NAV2: variants seen among roughly 807,000 people sequenced by gnomAD.
NAV2 encodes neuron navigator 2.
NAV2 carries 54 observed loss-of-function variants against 223.2 expected under a neutral mutation model. That is an observed-to-expected ratio of 0.24 (90% CI 0.19 to 0.30). The LOEUF is 0.30. NAV2 is among the 10% of genes least tolerant of loss of function. The pLI is 1.00. For synonymous variants in NAV2, 1,279 were observed against 1,239.3 expected, an observed-to-expected ratio of 1.03 and a Z score of -0.67; for missense variants, 2,806 against 3,147.5, an observed-to-expected ratio of 0.89 and a Z score of 2.60.
At chr11:19,492,606 C>T (rs943822067) in intron 1 of NAV2, among the ~76,000 whole-genome samples, 4 of 152,102 alleles carry the variant, frequency 2.6e-5, no homozygotes, top group African/African-American at 9.7e-5. Context: ...CAGCTCTGCC[C>T]ACCTCCCAAC....
chr11:19,525,861 A>T (rs2043824920), intron 1 of NAV2, among the ~76,000 whole-genome samples: 1 of 152,028 alleles, frequency 6.6e-6, no homozygotes, highest in Non-Finnish European at 1.5e-5. Flanking sequence ...TATTTATCTG[A>T]TGACCTGCTG....
At chr11:19,509,193 G>A (rs1023225565) in intron 1 of NAV2, among the ~76,000 whole-genome samples, 5 of 152,202 alleles carry the variant, frequency 3.3e-5, no homozygotes, top group Admixed American at 2.0e-4. Context: ...ATGAGTGAGC[G>A]AGGCAACCCT....
chr11:19,581,985 T>C (rs1489873971), intron 1 of NAV2, among the ~76,000 whole-genome samples: 1 of 152,224 alleles, frequency 6.6e-6, no homozygotes, highest in Non-Finnish European at 1.5e-5. Flanking sequence ...CCACCAACAG[T>C]GTAAAATTGT....
At chr11:19,352,557 C>T (rs1226989626) in intron 1 of NAV2, among the ~76,000 whole-genome samples, 1 of 152,160 alleles carries the variant, frequency 6.6e-6, no homozygotes, top group East Asian at 1.9e-4. Flanking sequence ...TCTGCGGCAG[C>T]TGGGGTAACA....
chr11:19,874,328 C>T (rs926687932), intron 4 of NAV2, among the ~76,000 whole-genome samples: 1 of 152,150 alleles, frequency 6.6e-6, no homozygotes, highest in South Asian at 2.1e-4. Flanking sequence ...TTTCTGTTGC[C>T]ACAAGAGTGG....
intron 8 of NAV2, among the ~76,000 whole-genome samples, chr11:19,943,476 T>C (rs1304462584): frequency 6.6e-6 from 1 of 152,212 alleles, no homozygotes; most frequent in Non-Finnish European, 1.5e-5. Context: ...CATTTTCAAG[T>C]AAATTTCCTC....
At chr11:19,785,975 C>T (rs764505740) in intron 1 of NAV2, among the ~76,000 whole-genome samples, 2 of 152,130 alleles carry the variant, frequency 1.3e-5, no homozygotes, top group African/African-American at 4.8e-5. Context: ...TGACTGCACA[C>T]CTACCTTACA....
intron 1 of NAV2, among the ~76,000 whole-genome samples, chr11:19,825,877 A>G (rs1405306281): frequency 2.0e-5 from 3 of 152,228 alleles, no homozygotes; most frequent in African/African-American, 4.8e-5. Flanking sequence ...AAATTCTGTC[A>G]GGGGTAATAA....
intron 1 of NAV2, among the ~76,000 whole-genome samples, chr11:19,463,445 C>A (rs1257949803): frequency 6.6e-6 from 1 of 152,250 alleles, no homozygotes; most frequent in African/African-American, 2.4e-5. Context: ...CAATGTGCAA[C>A]TTTAGCCTCC....
chr11:19,467,678 A>G (rs1852417884), intron 1 of NAV2, among the ~76,000 whole-genome samples: 1 of 152,202 alleles, frequency 6.6e-6, no homozygotes, highest in Non-Finnish European at 1.5e-5. Context: ...TCTGGGGCGA[A>G]TCAGAATGGC....
intron 5 of NAV2, among the ~76,000 whole-genome samples, chr11:19,888,692 G>A (rs569814444): frequency 7.2e-4 from 110 of 151,968 alleles, no homozygotes; most frequent in Middle Eastern, 6.8e-3. Flanking sequence ...CTCTAGCCTC[G>A]TTTCCTCCCA....
At chr11:19,981,822 A>C (rs766137496) in intron 10 of NAV2, among the ~76,000 whole-genome samples, 10 of 152,278 alleles carry the variant, frequency 6.6e-5, no homozygotes, top group South Asian at 6.2e-4. Context: ...GGGTGGCTGG[A>C]TGGATGGATG....
At chr11:19,446,736 GT>G (rs1851599083) in intron 1 of NAV2, among the ~76,000 whole-genome samples, 1 of 152,202 alleles carries the variant, frequency 6.6e-6, no homozygotes, top group Admixed American at 6.5e-5. Context: ...CACCTCAAAT[GT>G]GGGAGCCAGA....
At chr11:20,113,404 AATGT>A (rs1223758082) in intron 36 of NAV2, among the ~76,000 whole-genome samples, 1 of 152,204 alleles carries the variant, frequency 6.6e-6, no homozygotes, top group African/African-American at 2.4e-5. Flanking sequence ...TTCTTCAAAG[AATGT>A]ATGTATTTCT....
At chr11:19,918,968 A>G (rs2044039349) in intron 6 of NAV2, among the ~76,000 whole-genome samples, 1 of 152,108 alleles carries the variant, frequency 6.6e-6, no homozygotes, top group Non-Finnish European at 1.5e-5. Flanking sequence ...CATACACCAT[A>G]TATCCATTGC....
At chr11:19,428,362 AT>A in intron 1 of NAV2, among the ~76,000 whole-genome samples, 1 of 152,158 alleles carries the variant, frequency 6.6e-6, no homozygotes, top group Non-Finnish European at 1.5e-5. Flanking sequence ...GACACTGGAA[AT>A]TTTGCCAGCT....
intron 6 of NAV2, among the ~76,000 whole-genome samples, chr11:19,923,976 G>T (rs1296627889): frequency 6.6e-6 from 1 of 152,154 alleles, no homozygotes; most frequent in Admixed American, 6.5e-5. Context: ...TATTTTTAAA[G>T]GTATCTTCCT....
intron 10 of NAV2, 78 bp from the exon 11 acceptor site, chr11:19,984,047 G>A: frequency 6.3e-7 from 1 of 1,599,514 alleles, no homozygotes; most frequent in Non-Finnish European, 8.6e-7. Flanking sequence ...CGGCTGTACA[G>A]GCTTCTGGAT....
chr11:19,648,365 T>C (rs948158008), intron 1 of NAV2, among the ~76,000 whole-genome samples: 5 of 152,212 alleles, frequency 3.3e-5, no homozygotes, highest in African/African-American at 7.2e-5. Context: ...ACATCAGCCA[T>C]GATGGGAATA....
Sources: allele counts gnomAD v4.1 joint callset (sites outside exome capture counted in the v4.1 genomes callset), GRCh38; gene constraint gnomAD v4.1.1; transcripts MANE v1.5; gene names NCBI Gene and HGNC (gene_info 2026-07-23, HGNC 2026-07-21).